Variants in MUC5B observed in about 807,000 individuals in gnomAD.
MUC5B encodes the protein mucin 5B, oligomeric mucus/gel-forming.
A neutral mutation model predicts 376.9 loss-of-function variants in MUC5B; 116 were observed. That is an observed-to-expected ratio of 0.31 (90% CI 0.26 to 0.36). MUC5B has a LOEUF of 0.36. Among genes scored for constraint, MUC5B ranks in the 10% least tolerant of loss-of-function variants. MUC5B has a pLI of 1.00. For synonymous variants in MUC5B, 3,517 were observed against 3,390.9 expected, an observed-to-expected ratio of 1.04 and a Z score of -1.29; for missense variants, 7,165 against 7,769.9, an observed-to-expected ratio of 0.92 and a Z score of 2.93.
At chr11:1,229,858 G>A in intron 10 of MUC5B, 51 bp downstream of exon 10, 1 of 1,549,544 alleles carries the variant, frequency 6.5e-7, no homozygotes. Flanking sequence ...GGAGCTCCTG[G>A]TATTTATGAA....
Position 1,242,979 on chromosome 11 carries a change from C to T in MUC5B, c.6099C>T (p.Thr2033=), listed in dbSNP as rs200330345. Residue 2033 remains threonine (T), a synonymous_variant, in exon 31 of 49, where the codon ACC becomes ACT. Transcript: ENST00000529681. ...LTATATTTGA[T]GSVATPSSTP... is the part of the protein sequence containing the mutation. ...CCACGGCCACCACAACTGGGGCCAC[C>T]GGCTCTGTGGCCACCCCCTCCTCCA... is the stretch of plus-strand genomic sequence containing the variant. 3.7e-4 allele frequency: 600 copies of T among 1,613,084 alleles called. No individual in the cohort carries two copies. Among genetic ancestry groups the T allele is most frequent in the Non-Finnish European group, 4.7e-4 (552 of 1,179,434 alleles).
At chr11:1,223,722 C>T (rs1216340771) in intron 1 of MUC5B, among the ~76,000 whole-genome samples, 2 of 152,252 alleles carry the variant, frequency 1.3e-5, no homozygotes, top group African/African-American at 2.4e-5. Context: ...TCGACTCCCA[C>T]GGCCCATCTG....
chr11:1,230,120 G>T lies in MUC5B; in HGVS notation c.1336G>T (p.Asp446Tyr). 1 of 1,610,810 alleles carries T rather than the reference G, an allele frequency of 6.2e-7. No homozygotes were observed. Among genetic ancestry groups the T allele is most frequent in the South Asian group, 1.1e-5 (1 of 90,694 alleles). ...TGAGAAACTCTACGACCTGCATGGT[G>T]ACTGCAGCTACGTTCTGTCCAAGGT... is the stretch of plus-strand genomic sequence containing the variant. ...YDEKLYDLHG[D>Y]CSYVLSKKCA... The change falls in exon 11 of 49, where the codon GAC becomes TAC. Residue 446 changes from aspartate to tyrosine, a missense_variant. Physicochemically the swap from Asp to Tyr is radical, Grantham distance 160 (BLOSUM62 -3). Coordinates refer to ENST00000529681, the MANE Select transcript of MUC5B (RefSeq NM_002458.3).
chr11:1,256,131 G>C (rs749084186), intron 37 of MUC5B, 25 bp from the exon 38 acceptor site: 3 of 720,836 alleles, frequency 4.2e-6, no homozygotes, highest in Non-Finnish European at 7.7e-6. Flanking sequence ...CCCTTGGCTT[G>C]TCTGACACCT....
intron 30 of MUC5B, 55 bp downstream of exon 30, chr11:1,240,430 C>A (rs564136959): frequency 1.4e-6 from 2 of 1,479,638 alleles, no homozygotes; most frequent in South Asian, 2.6e-5. Context: ...ACAAGGAGGA[C>A]CCCCTGGGCT....
At chr11:1,223,710 G>A (rs758093866) in intron 1 of MUC5B, among the ~76,000 whole-genome samples, 2 of 152,202 alleles carry the variant, frequency 1.3e-5, no homozygotes, top group Non-Finnish European at 2.9e-5. Flanking sequence ...CTCAACCCAC[G>A]CTCGACTCCC....
At chr11:1,226,481 G>A (rs1861884603) in intron 3 of MUC5B, 134 bp from the exon 4 acceptor site, 2 of 1,353,394 alleles carry the variant, frequency 1.5e-6, no homozygotes, top group Non-Finnish European at 2.0e-6. Flanking sequence ...CGCAGTCCAG[G>A]GTGAGCCAGG....
Position 1,242,324 on chromosome 11 carries a change from G to C in MUC5B, c.5444G>C (p.Arg1815Thr). Residue 1815 changes from arginine to threonine, a missense_variant, in exon 31 of 49, where the codon AGG becomes ACG. Coordinates refer to ENST00000529681, the MANE Select transcript of MUC5B (RefSeq NM_002458.3). ...GACATGGAAACTTTTGAAAACATCA[G>C]GGCTGCTGGGGGCAAGATGTGCTGG... ...GGDMETFENI[R>T]AAGGKMCWAP... 6.2e-7 allele frequency: 1 copy of C among 1,613,902 alleles called. No individual in the cohort carries two copies. Among genetic ancestry groups the C allele is most frequent in the Admixed American group, 1.7e-5 (1 of 60,018 alleles).
At chr11:1,231,612 G>T in intron 14 of MUC5B, 52 bp downstream of exon 14, 2 of 1,518,106 alleles carry the variant, frequency 1.3e-6, no homozygotes, top group Non-Finnish European at 1.8e-6. Context: ...ACGGGGCCTG[G>T]ACTAGCGCCA....
Position 1,226,795 on chromosome 11 carries a change from C to G in MUC5B, c.380C>G (p.Pro127Arg). The G allele has an allele frequency of 6.2e-7, 1 of 1,612,088 alleles. No homozygotes were observed. Among genetic ancestry groups the G allele is most frequent in the Non-Finnish European group, 8.5e-7 (1 of 1,179,806 alleles). The change falls in exon 4 of 49, where the codon CCT becomes CGT. Residue 127 changes from proline to arginine, a missense_variant. Around this residue, in one of 31 missense-constraint regions of MUC5B, gnomAD observed 640 missense variants for 733.0 expected, o/e 0.87. Transcript: ENST00000529681. The part of the protein sequence containing the change: ...QLRRGLVGSR[P>R]VVTRVVIKAQ... ...CGCCGAGGCCTAGTGGGCTCCAGGC[C>G]TGTGGTCACCCGTGTTGTCATCAAG...
intron 39 of MUC5B, among the ~76,000 whole-genome samples, chr11:1,256,979 G>T (rs1256136177): frequency 3.3e-5 from 5 of 152,120 alleles, no homozygotes; most frequent in African/African-American, 1.2e-4. Flanking sequence ...CCACAGGGAG[G>T]CTCTGTCCTT....
chr11:1,252,378 T>C lies in MUC5B; in HGVS notation c.14899T>C (p.Cys4967Arg). 6.3e-7 allele frequency: 1 copy of C among 1,588,730 alleles called. No homozygotes were observed. Among genetic ancestry groups the C allele is most frequent in the South Asian group, 1.1e-5 (1 of 87,818 alleles). Residue 4967 changes from cysteine (C) to arginine (R), a missense_variant, in exon 32 of 49, where the codon TGC (cysteine) becomes CGC (arginine). Cys to Arg is a radical substitution (Grantham distance 180). Around this residue, in one of 31 missense-constraint regions of MUC5B, gnomAD observed 730 missense variants for 592.7 expected, o/e 1.23. Coordinates refer to ENST00000529681, the MANE Select transcript of MUC5B (RefSeq NM_002458.3). Reference protein sequence around the residue: ...VIYNKTDRAGCHFYAVCNQHC... With the variant: ...VIYNKTDRAGRHFYAVCNQHC... ...CTACAATAAGACCGACCGAGCCGGC[T>C]GCCATTTCTACGCAGTGTGCAATCA...
At position 1,229,174 on chromosome 11, in the gene MUC5B, G is replaced by A; in HGVS notation, c.981G>A (p.Arg327=). Reference sequence around the variant, plus strand: ...GCCCCACCTCCTTTTGCGCAGCCCGGACCTGCCCCCTCAACATGCAGCACC... The same window carrying A: ...GCCCCACCTCCTTTTGCGCAGCCCGAACCTGCCCCCTCAACATGCAGCACC... ...RNWRCPELCP[R]TCPLNMQHQE... The change falls in exon 9 of 49, where the codon CGG becomes CGA. Residue 327 remains arginine, a synonymous_variant. Transcript: ENST00000529681. 2 of 1,593,084 alleles carry A rather than the reference G, an allele frequency of 1.3e-6. No individual in the cohort carries two copies. The highest frequency in any genetic ancestry group is 1.7e-6 in the Non-Finnish European group (2 of 1,174,552).
Position 1,252,463 on chromosome 11 carries a change from C to G in MUC5B, c.14984C>G (p.Ser4995Cys). The change falls in exon 32 of 49, where the codon TCC becomes TGC. Residue 4995 changes from serine to cysteine, a missense_variant. Around this residue, in one of 31 missense-constraint regions of MUC5B, gnomAD observed 730 missense variants for 592.7 expected, o/e 1.23. Coordinates refer to ENST00000529681, the MANE Select transcript of MUC5B (RefSeq NM_002458.3). ...CCCACCTCCCCACCGCCAGTGTCCT[C>G]CGCCCCGCTGTCCTCGCCCTCCCCT... is the stretch of plus-strand genomic sequence containing the variant. Reference protein sequence around the residue: ...ACPTSPPPVSSAPLSSPSPAP... With the variant: ...ACPTSPPPVSCAPLSSPSPAP... 1.2e-6 allele frequency: 2 copies of G among 1,606,940 alleles called. No homozygotes were observed. The highest frequency in any genetic ancestry group is 1.7e-6 in the Non-Finnish European group (2 of 1,176,868).
In MUC5B at chr11:1,257,370, C is replaced by A; in HGVS notation, c.16269+99C>A. 1.1e-6 allele frequency: 1 copy of A among 906,414 alleles called. No individual in the cohort carries two copies. Among genetic ancestry groups the A allele is most frequent in the Non-Finnish European group, 1.8e-6 (1 of 545,262 alleles). 56.1% of individuals were successfully genotyped at this position (906,414 alleles called of 1,614,324 possible). On this transcript the variant is annotated intron_variant, in intron 40 of 48. Coordinates refer to ENST00000529681, the MANE Select transcript of MUC5B (RefSeq NM_002458.3). This position sits in a 1 kb window ranked among gnomAD's most constrained non-coding sequence, Gnocchi z 8.9. The stretch of plus-strand genomic sequence containing the variant: ...ATCCCACAGGGCAGCTGTGGGGCGC[C>A]CGAGTGTGACGTGGACGTGCCAGTG...
Position 1,228,730 on chromosome 11 carries a change from G to A in MUC5B, c.941G>A (p.Gly314Asp). The A allele has an allele frequency of 6.6e-7, 1 of 1,522,668 alleles. No individual in the cohort carries two copies. Among genetic ancestry groups the A allele is most frequent in the South Asian group, 1.2e-5 (1 of 83,284 alleles). 94.3% of individuals were successfully genotyped at this position (1,522,668 alleles called of 1,614,324 possible). The change falls in exon 8 of 49, where the codon GGC becomes GAC. Residue 314 changes from glycine to aspartate, a missense_variant. Physicochemically the swap from Gly to Asp is moderately conservative, Grantham distance 94 (BLOSUM62 -1). This residue lies in a region of MUC5B where 640 missense variants were observed against 733.0 expected (regional missense o/e 0.87). Coordinates refer to ENST00000529681, the MANE Select transcript of MUC5B (RefSeq NM_002458.3). ...TCACGCCAGTGCGCCCACGCGGGGG[G>A]CCAGCCGCGGAACTGGAGGTGCCCT... The part of the protein sequence containing the change: ...EYSRQCAHAG[G>D]QPRNWRCPEL...
intron 48 of MUC5B, 70 bp downstream of exon 48, chr11:1,260,798 C>A: frequency 8.4e-7 from 1 of 1,184,136 alleles, no homozygotes; most frequent in Non-Finnish European, 1.2e-6. Context: ...CGTCAGCTGG[C>A]TGGCAGCCTG....
chr11:1,231,113 G>T, intron 13 of MUC5B, 108 bp downstream of exon 13: 1 of 1,174,384 alleles, frequency 8.5e-7, no homozygotes, highest in Non-Finnish European at 1.2e-6. Context: ...CCGTGGCCTC[G>T]GGCAGCTCCA....
Position 1,231,409 on chromosome 11 carries a change from C to A in MUC5B, c.1541-14C>A, listed in dbSNP as rs955276132. 3 of 1,603,300 alleles carry A rather than the reference C, an allele frequency of 1.9e-6. No homozygotes were observed. Among genetic ancestry groups the A allele is most frequent in the African/African-American group, 2.7e-5 (2 of 74,780 alleles). On this transcript the variant is annotated splice_polypyrimidine_tract_variant and intron_variant, in intron 13 of 48. Coordinates refer to ENST00000529681, the MANE Select transcript of MUC5B (RefSeq NM_002458.3). ...CTGCACCCCTGACCGGCCTCTCCCC[C>A]ACACTCCCGGCAGCCAACATCACCC...
Sources: allele counts gnomAD v4.1 joint callset (sites outside exome capture counted in the v4.1 genomes callset), GRCh38; gene constraint gnomAD v4.1.1; regional missense constraint gnomAD v4.1.1; non-coding constraint Gnocchi (gnomAD v3.1); transcripts MANE v1.5; gene names NCBI Gene and HGNC (gene_info 2026-07-23, HGNC 2026-07-21).